Variants in WASHC2C observed in about 807,000 individuals in gnomAD.
WASHC2C encodes the protein WASH complex subunit 2C.
Under a neutral mutation model 142.2 loss-of-function variants are expected in WASHC2C, and 73 were observed. The ratio of observed to expected loss-of-function variants is 0.51; its 90% CI spans 0.43 to 0.62. The LOEUF is 0.62. WASHC2C is among the 20% of genes least tolerant of loss of function. The pLI is 0.00. For missense variants in WASHC2C, 969 were observed against 1,531.7 expected (o/e 0.63, Z 6.13); for synonymous variants, 337 against 565.5 (o/e 0.60, Z 5.73).
intron 23 of WASHC2C, among the ~76,000 whole-genome samples, chr10:45,779,940 G>A (rs1376526545): frequency 3.1e-4 from 46 of 149,334 alleles, no homozygotes; most frequent in Non-Finnish European, 6.1e-4. Flanking sequence ...AGCCGAGATC[G>A]CACCACTGCA....
chr10:45,742,735 A>G (rs2052269115), intron 5 of WASHC2C, among the ~76,000 whole-genome samples: 1 of 151,938 alleles, frequency 6.6e-6, no homozygotes, highest in South Asian at 2.1e-4. Flanking sequence ...TGGACCTTAT[A>G]CTAGGAGGTT....
chr10:45,751,967 A>C lies in WASHC2C; in HGVS notation c.1003+414A>C, dbSNP rs77990327. 7.7e-3 allele frequency among the ~76,000 whole-genome samples: 1,170 copies of C among 152,110 alleles called. 10 individuals are homozygous for C. The highest frequency in any genetic ancestry group is 0.027 in the African/African-American group (1,107 of 41,484). On this transcript the variant is annotated intron_variant, in intron 11 of 30. Coordinates refer to ENST00000623400, the MANE Select transcript of WASHC2C (RefSeq NM_001330074.2). ...ATTCCAGCCCGGGTGATGGTGCGAGACTCCATCCCAAAAACAAACAGAAGC... is the reference window on the plus strand; with the variant it reads ...ATTCCAGCCCGGGTGATGGTGCGAGCCTCCATCCCAAAAACAAACAGAAGC...
At chr10:45,746,692 G>A in intron 8 of WASHC2C, 45 bp downstream of exon 8, 1 of 1,604,532 alleles carries the variant, frequency 6.2e-7, no homozygotes, top group Non-Finnish European at 8.5e-7. Context: ...CATTTTAATT[G>A]AAGCATAGTA....
chr10:45,771,927 G>T (rs1182212671), intron 20 of WASHC2C, among the ~76,000 whole-genome samples: 3 of 152,096 alleles, frequency 2.0e-5, no homozygotes, highest in African/African-American at 7.2e-5. Context: ...GAAATTAGTT[G>T]TTCATATAAA....
intron 16 of WASHC2C, among the ~76,000 whole-genome samples, chr10:45,759,009 C>T (rs1374641247): frequency 2.0e-5 from 3 of 150,262 alleles, no homozygotes; most frequent in African/African-American, 4.9e-5. Context: ...ACCTAAGGCC[C>T]AGCATTCAGA....
intron 8 of WASHC2C, among the ~76,000 whole-genome samples, chr10:45,749,851 A>ATATATT (rs1554873287): frequency 0.022 from 2,414 of 107,754 alleles, 130 homozygotes; most frequent in African/African-American, 0.068. Flanking sequence ...ATATATATAT[A>ATATATT]TATATTTATA....
intron 3 of WASHC2C, among the ~76,000 whole-genome samples, chr10:45,735,569 A>G (rs1488260095): frequency 1.2e-4 from 19 of 152,274 alleles, no homozygotes; most frequent in Middle Eastern, 3.4e-3. Context: ...TTATCTTACT[A>G]TATTGTGCCA....
At chr10:45,759,733 C>G (rs1309757809) in intron 17 of WASHC2C, among the ~76,000 whole-genome samples, 1 of 152,050 alleles carries the variant, frequency 6.6e-6, no homozygotes, top group Non-Finnish European at 1.5e-5. Flanking sequence ...ATAGGAGATT[C>G]ACTTGAACCC....
intron 3 of WASHC2C, among the ~76,000 whole-genome samples, chr10:45,729,915 A>G (rs559236801): frequency 1.0e-3 from 157 of 152,360 alleles, no homozygotes; most frequent in Admixed American, 2.3e-3. Flanking sequence ...GCATTTTTTA[A>G]TAGCTCAAGT....
At chr10:45,730,877 C>G (rs1484815152) in intron 3 of WASHC2C, among the ~76,000 whole-genome samples, 1 of 151,980 alleles carries the variant, frequency 6.6e-6, no homozygotes, top group Non-Finnish European at 1.5e-5. Flanking sequence ...CCTCGACCTC[C>G]CAAAGTGCTG....
intron 17 of WASHC2C, among the ~76,000 whole-genome samples, chr10:45,760,800 C>T (rs1379027448): frequency 7.0e-6 from 1 of 142,970 alleles, no homozygotes; most frequent in Non-Finnish European, 1.5e-5. Flanking sequence ...TACCACAGCA[C>T]GTGTTGCCAG....
intron 21 of WASHC2C, among the ~76,000 whole-genome samples, chr10:45,774,733 C>G (rs1433801519): frequency 1.9e-5 from 1 of 52,312 alleles, no homozygotes; most frequent in African/African-American, 7.3e-5. Flanking sequence ...AACTACTAGC[C>G]CAGTAAAGAG....
intron 3 of WASHC2C, among the ~76,000 whole-genome samples, chr10:45,736,534 C>A (rs189060788): frequency 0.049 from 7,293 of 149,012 alleles, 191 homozygotes; most frequent in African/African-American, 0.086. Context: ...TGGGAGGTGG[C>A]GGTTGCAGTG....
At position 45,753,205 on chromosome 10, in the gene WASHC2C, A is replaced by G; in HGVS notation, c.1148A>G (p.Gln383Arg). 8.2e-7 allele frequency: 1 copy of G among 1,224,456 alleles called. No homozygotes were observed. Among genetic ancestry groups the G allele is most frequent in the South Asian group, 1.6e-5 (1 of 62,584 alleles). The allele number at this position is 1,224,456 out of a possible 1,614,324, so 75.8% of individuals were successfully genotyped here. The change falls in exon 13 of 31, where the codon CAG (glutamine) becomes CGG (arginine). Residue 383 changes from glutamine to arginine, a missense_variant. Coordinates refer to ENST00000623400, the MANE Select transcript of WASHC2C (RefSeq NM_001330074.2). ...AGTGACCTCTTCACGGAAGCCTCCC[A>G]GGATCGGCAAGCTGGAGCCTCTGTT... The part of the protein sequence containing the change: ...EESDLFTEAS[Q>R]DRQAGASVKE...
At chr10:45,759,714 A>G (rs548246699) in intron 17 of WASHC2C, among the ~76,000 whole-genome samples, 17 of 152,172 alleles carry the variant, frequency 1.1e-4, no homozygotes, top group South Asian at 8.3e-4. Context: ...AGTTACTCAG[A>G]AGGCTGAGAT....
At chr10:45,746,751 T>G in intron 8 of WASHC2C, 104 bp downstream of exon 8, 2 of 1,478,758 alleles carry the variant, frequency 1.4e-6, no homozygotes, top group South Asian at 2.3e-5. Context: ...TGAGGATTTT[T>G]TCATGTATAC....
chr10:45,744,056 T>C (rs2052492206), intron 6 of WASHC2C, among the ~76,000 whole-genome samples: 1 of 151,814 alleles, frequency 6.6e-6, no homozygotes, highest in Non-Finnish European at 1.5e-5. Flanking sequence ...TCTTTTTCTT[T>C]CTTTCTTTCT....
chr10:45,735,564 T>G (rs1208336216), intron 3 of WASHC2C, among the ~76,000 whole-genome samples: 3 of 152,160 alleles, frequency 2.0e-5, no homozygotes, highest in African/African-American at 7.2e-5. Flanking sequence ...CAGGATTATC[T>G]TACTATATTG....
intron 5 of WASHC2C, among the ~76,000 whole-genome samples, chr10:45,740,786 G>T (rs1326232997): frequency 1.3e-5 from 2 of 152,238 alleles, no homozygotes; most frequent in South Asian, 4.1e-4. Flanking sequence ...TCATAGCCTA[G>T]TGAGTGTTGG....
Sources: gnomAD v4.1 joint callset for allele counts (sites outside exome capture counted in the v4.1 genomes callset) on GRCh38, gnomAD v4.1.1 for gene constraint, MANE v1.5 for transcripts, NCBI Gene and HGNC (gene_info 2026-07-23, HGNC 2026-07-21) for gene names.